ADAMTS19: variants seen among roughly 807,000 people sequenced by gnomAD.
ADAMTS19 encodes the protein ADAM metallopeptidase with thrombospondin type 1 motif 19.
Under a neutral mutation model 153.3 loss-of-function variants are expected in ADAMTS19, and 93 were observed. That is an observed-to-expected ratio of 0.61 (90% CI 0.51 to 0.72). The LOEUF is 0.72. Ranked by LOEUF, ADAMTS19 falls within the 30% of genes least tolerant of loss-of-function variation. The pLI, the probability that ADAMTS19 is intolerant of heterozygous loss-of-function variation, is 0.00. For synonymous variants in ADAMTS19, 600 were observed against 556.6 expected (o/e 1.08, Z -1.10); for missense variants, 1,482 against 1,552.1 (o/e 0.95, Z 0.76).
rs74510841 is a variant in ADAMTS19 at position 129,482,377 on chromosome 5, A to T, written c.747+20620A>T. ...TTCCAGTCAATGAAATTCTCTTATA[A>T]GGAGTCAGTTTGAATTACCACCTTC... On this transcript the variant is annotated intron_variant, in intron 2 of 22. Transcript: ENST00000274487. Among the ~76,000 whole-genome samples the T allele has an allele frequency of 2.6e-3, 395 of 152,280 alleles. 2 individuals carry two copies. Among genetic ancestry groups the T allele is most frequent in the African/African-American group, 9.1e-3 (377 of 41,544 alleles).
intron 2 of ADAMTS19, among the ~76,000 whole-genome samples, chr5:129,478,465 T>A (rs966659204): frequency 2.0e-5 from 3 of 152,168 alleles, no homozygotes; most frequent in Non-Finnish European, 4.4e-5. Flanking sequence ...AAGGAACATA[T>A]CTGCAAGGAA....
At position 129,596,574 on chromosome 5, in the gene ADAMTS19, G is replaced by C; in HGVS notation, c.1388G>C (p.Ser463Thr). 1 of 1,603,484 alleles carries C rather than the reference G, an allele frequency of 6.2e-7. No individual in the cohort carries two copies. Among genetic ancestry groups the C allele is most frequent in the East Asian group, 2.3e-5 (1 of 44,306 alleles). The change falls in exon 8 of 23, where the codon AGT (serine) becomes ACT (threonine). Residue 463 changes from serine to threonine, a missense_variant. Ser to Thr is a moderately conservative substitution (Grantham distance 58, BLOSUM62 1). Around this residue, in one of 2 missense-constraint regions of ADAMTS19, gnomAD observed 866 missense variants for 827.7 expected, o/e 1.05. Coordinates refer to ENST00000274487, the MANE Select transcript of ADAMTS19 (RefSeq NM_133638.6). ...PCDTVGIAYL[S>T]GMCSEKRKCI... is the part of the protein sequence containing the mutation. ...TATTTTTTAGGTATAGCTTACTTGA[G>C]TGGAATGTGTAGTGAAAAGAGAAAA...
intron 11 of ADAMTS19, among the ~76,000 whole-genome samples, chr5:129,643,570 A>G (rs912279088): frequency 6.6e-6 from 1 of 152,042 alleles, no homozygotes; most frequent in Non-Finnish European, 1.5e-5. Context: ...TATTACTTCT[A>G]TGATTTCTTT....
chr5:129,659,950 A>C (rs1406883527), intron 15 of ADAMTS19, among the ~76,000 whole-genome samples: 1 of 152,102 alleles, frequency 6.6e-6, no homozygotes, highest in Non-Finnish European at 1.5e-5. Context: ...TCCTAGTTTA[A>C]ATTTCTTTTT....
At chr5:129,592,902 A>G (rs1469839552) in intron 7 of ADAMTS19, among the ~76,000 whole-genome samples, 1 of 152,168 alleles carries the variant, frequency 6.6e-6, no homozygotes, top group Non-Finnish European at 1.5e-5. Flanking sequence ...CATAGTTGCA[A>G]TCATACCTCT....
At chr5:129,696,554 A>C (rs1755564181) in intron 19 of ADAMTS19, among the ~76,000 whole-genome samples, 1 of 152,230 alleles carries the variant, frequency 6.6e-6, no homozygotes, top group African/African-American at 2.4e-5. Context: ...TATATTGCCA[A>C]AGTTGTGGAT....
In ADAMTS19 at chr5:129,658,680, G is replaced by A. The variant is rs997708791; in HGVS notation, c.2368G>A (p.Gly790Ser). The A allele has an allele frequency of 3.7e-6, 6 of 1,612,920 alleles. No homozygotes were observed. The highest frequency in any genetic ancestry group is 5.1e-6 in the Non-Finnish European group (6 of 1,179,422). The change falls in exon 15 of 23, where the codon GGC (glycine) becomes AGC (serine). Residue 790 changes from glycine to serine, a missense_variant. Gly to Ser is a moderately conservative substitution (Grantham distance 56). Around this residue, in one of 2 missense-constraint regions of ADAMTS19, gnomAD observed 616 missense variants for 724.4 expected, o/e 0.85. Coordinates refer to ENST00000274487, the MANE Select transcript of ADAMTS19 (RefSeq NM_133638.6). ...AGAAGATCATTGTGGTGTATGCAATGGCAATGGAAAATCATGCAAGATCAT... is the reference window on the plus strand; with the variant it reads ...AGAAGATCATTGTGGTGTATGCAATAGCAATGGAAAATCATGCAAGATCAT... ...AREDHCGVCNGNGKSCKIIKG... is the reference protein window; with the variant it reads ...AREDHCGVCNSNGKSCKIIKG...
chr5:129,645,751 AAAAC>A (rs1194436253), intron 11 of ADAMTS19, among the ~76,000 whole-genome samples: 9 of 152,180 alleles, frequency 5.9e-5, no homozygotes, highest in Non-Finnish European at 1.3e-4. Flanking sequence ...AAAGTAGGCT[AAAAC>A]AATGTGACCA....
At chr5:129,628,073 T>G (rs1279565229) in intron 10 of ADAMTS19, among the ~76,000 whole-genome samples, 1 of 152,056 alleles carries the variant, frequency 6.6e-6, no homozygotes, top group Non-Finnish European at 1.5e-5. Context: ...AGTGACAGTT[T>G]GGATAAAGAA....
chr5:129,687,875 T>C (rs568342159), intron 18 of ADAMTS19, among the ~76,000 whole-genome samples: 1 of 152,226 alleles, frequency 6.6e-6, no homozygotes, highest in Non-Finnish European at 1.5e-5. Flanking sequence ...TGTAAGAATT[T>C]AGATATGCTT....
At chr5:129,541,491 A>AT (rs1752651845) in intron 6 of ADAMTS19, among the ~76,000 whole-genome samples, 1 of 151,626 alleles carries the variant, frequency 6.6e-6, no homozygotes, top group African/African-American at 2.4e-5. Flanking sequence ...TGGTTCTTTA[A>AT]TTTTTTGCAT....
At chr5:129,559,441 T>A (rs750950377) in intron 7 of ADAMTS19, among the ~76,000 whole-genome samples, 1 of 151,918 alleles carries the variant, frequency 6.6e-6, no homozygotes, top group Non-Finnish European at 1.5e-5. Flanking sequence ...GTAAAGGAAA[T>A]GAACATTCAG....
intron 7 of ADAMTS19, among the ~76,000 whole-genome samples, chr5:129,557,523 C>T (rs752603250): frequency 2.0e-5 from 3 of 152,098 alleles, no homozygotes; most frequent in Non-Finnish European, 4.4e-5. Flanking sequence ...TCGCTTGAAC[C>T]CAAAGGCAGA....
At chr5:129,528,316 T>G (rs748489466) in intron 5 of ADAMTS19, among the ~76,000 whole-genome samples, 5 of 152,034 alleles carry the variant, frequency 3.3e-5, no homozygotes, top group Non-Finnish European at 5.9e-5. Flanking sequence ...ATTAAACAAA[T>G]TTTGTAATTA....
At chr5:129,495,511 G>C (rs894448326) in intron 2 of ADAMTS19, among the ~76,000 whole-genome samples, 2 of 151,910 alleles carry the variant, frequency 1.3e-5, no homozygotes, top group Non-Finnish European at 2.9e-5. Flanking sequence ...CAGAACTCAG[G>C]GTATATAGTT....
chr5:129,514,636 A>C (rs947747462), intron 3 of ADAMTS19, among the ~76,000 whole-genome samples: 1 of 151,646 alleles, frequency 6.6e-6, no homozygotes, highest in Admixed American at 6.6e-5. Context: ...TGATTGGATT[A>C]TGAGATTTTT....
chr5:129,524,649 A>G (rs1581037583), intron 3 of ADAMTS19, among the ~76,000 whole-genome samples: 1 of 151,782 alleles, frequency 6.6e-6, no homozygotes, highest in African/African-American at 2.4e-5. Flanking sequence ...AAAGATATGA[A>G]CAGACACTTC....
intron 16 of ADAMTS19, among the ~76,000 whole-genome samples, chr5:129,668,433 C>T (rs1282553955): frequency 1.3e-5 from 2 of 152,140 alleles, no homozygotes; most frequent in African/African-American, 4.8e-5. Context: ...AAGATCAAGG[C>T]ACTAATAGAT....
chr5:129,725,376 C>T (rs376772122), intron 21 of ADAMTS19, among the ~76,000 whole-genome samples: 1 of 152,018 alleles, frequency 6.6e-6, no homozygotes, highest in Non-Finnish European at 1.5e-5. Context: ...CCGGCTCACA[C>T]TTGGGAGGGG....
Sources: allele counts gnomAD v4.1 joint callset (sites outside exome capture counted in the v4.1 genomes callset), GRCh38; gene constraint gnomAD v4.1.1; regional missense constraint gnomAD v4.1.1; transcripts MANE v1.5; gene names NCBI Gene and HGNC (gene_info 2026-07-23, HGNC 2026-07-21).